Variants in ABITRAM observed in about 807,000 individuals in gnomAD.
ABITRAM encodes the protein protein Abitram.
ABITRAM carries 19 observed loss-of-function variants against 22.9 expected under a neutral mutation model. The ratio of observed to expected loss-of-function variants is 0.83; its 90% CI spans 0.58 to 1.22. ABITRAM has a LOEUF of 1.22. Among genes scored for constraint, ABITRAM ranks in the 50% most tolerant of loss-of-function variants. The probability of loss-of-function intolerance (pLI) is 0.00; values close to 1 mark genes in which losing one functional copy is unlikely to be tolerated. For synonymous variants in ABITRAM, 70 were observed against 73.9 expected, an observed-to-expected ratio of 0.95 and a Z score of 0.27; for missense variants, 215 against 220.2, an observed-to-expected ratio of 0.98 and a Z score of 0.15.
At chr9:108,944,264 A>G (rs1000204190), downstream of ABITRAM, among the ~76,000 whole-genome samples, 2 of 152,200 alleles carry the variant, frequency 1.3e-5, no homozygotes, top group East Asian at 1.9e-4. Flanking sequence ...CAGACCTCCA[A>G]TTATTCTGGA....
At chr9:108,945,628 G>GTTT (rs11287261), downstream of ABITRAM, among the ~76,000 whole-genome samples, 1 of 140,404 alleles carries the variant, frequency 7.1e-6, no homozygotes, top group African/African-American at 2.7e-5. Context: ...TGCCCCGCTA[G>GTTT]TTTTTTTTTT....
downstream of ABITRAM, chr9:108,943,708 G>C (rs774716122): frequency 4.4e-6 from 7 of 1,608,814 alleles, no homozygotes; most frequent in Admixed American, 8.5e-5. Flanking sequence ...TTTACCTTTA[G>C]AAATACTTTA....
In ABITRAM at chr9:108,946,947, A is replaced by G. The variant is rs554431946; in HGVS notation, c.262-3560A>G. Among the ~76,000 whole-genome samples, 5 of 152,134 alleles carry G rather than the reference A, an allele frequency of 3.3e-5. No homozygotes were observed. In the South Asian group the frequency reaches 8.3e-4, roughly 25 times the overall value. On this transcript the variant is annotated intron_variant, in intron 3 of 3. Transcript: ENST00000374624. Reference sequence around the variant, plus strand: ...AAAAAATAAATTCAGAATTTCAACTATCTTAAGGGAAATAGCTCATTTATA... The same window carrying G: ...AAAAAATAAATTCAGAATTTCAACTGTCTTAAGGGAAATAGCTCATTTATA...
At chr9:108,947,207 G>C (rs184213297) in intron 3 of ABITRAM, among the ~76,000 whole-genome samples, 1 of 149,430 alleles carries the variant, frequency 6.7e-6, no homozygotes, top group South Asian at 2.1e-4. Flanking sequence ...TCCGCCTCCC[G>C]GGTTCACGCC....
chr9:108,936,871 G>C (rs1216534211), intron 3 of ABITRAM, among the ~76,000 whole-genome samples: 1 of 150,706 alleles, frequency 6.6e-6, no homozygotes, highest in East Asian at 2.0e-4. Flanking sequence ...AAAAAAAAAA[G>C]AAAAACATGG....
downstream of ABITRAM, chr9:108,943,890 AT>A (rs1338873590): frequency 6.3e-7 from 1 of 1,597,588 alleles, no homozygotes; most frequent in African/African-American, 1.3e-5. Flanking sequence ...ACATTTATAC[AT>A]TGATATTATA....
intron 3 of ABITRAM, among the ~76,000 whole-genome samples, chr9:108,937,496 G>C (rs1830204430): frequency 6.6e-6 from 1 of 152,180 alleles, no homozygotes; most frequent in Non-Finnish European, 1.5e-5. Flanking sequence ...TATTCTAGGA[G>C]ACCCTTATTC....
At chr9:108,945,557 G>GCTCAAGCGATCCTCCTGC (rs1830376198), downstream of ABITRAM, among the ~76,000 whole-genome samples, 1 of 150,862 alleles carries the variant, frequency 6.6e-6, no homozygotes, top group Non-Finnish European at 1.5e-5. Flanking sequence ...GACCTCCCAG[G>GCTCAAGCGATCCTCCTGC]CTCAAGCGAT....
intron 1 of ABITRAM, among the ~76,000 whole-genome samples, chr9:108,935,288 A>G (rs535261584): frequency 6.6e-6 from 1 of 152,348 alleles, no homozygotes; most frequent in African/African-American, 2.4e-5. Flanking sequence ...ACATCAGGAC[A>G]GTCCTGGAAA....
chr9:108,943,993 A>T, downstream of ABITRAM: 1 of 1,613,914 alleles, frequency 6.2e-7, no homozygotes, highest in South Asian at 1.1e-5. Context: ...ACTGGAAGTA[A>T]GCTTTAAACC....
chr9:108,939,897 A>G lies in ABITRAM; in HGVS notation c.*211A>G. On this transcript the variant is annotated 3_prime_UTR_variant, in exon 6 of 6. Transcript: ENST00000322940. ...ACAGCCTGCCAGATCTGGCCTGCCCATGTACTCACACTGTTCTCTTGCATC... is the reference window on the plus strand; with the variant it reads ...ACAGCCTGCCAGATCTGGCCTGCCCGTGTACTCACACTGTTCTCTTGCATC... 1.9e-6 allele frequency: 1 copy of G among 520,058 alleles called. No homozygotes were observed. 32.2% of individuals were successfully genotyped at this position (520,058 alleles called of 1,614,324 possible).
intron 3 of ABITRAM, among the ~76,000 whole-genome samples, chr9:108,937,928 T>A: frequency 6.9e-6 from 1 of 144,742 alleles, no homozygotes. Flanking sequence ...AGCACAGGAG[T>A]CAAGGCTGCA....
chr9:108,944,417 T>C (rs969357333), downstream of ABITRAM, among the ~76,000 whole-genome samples: 11 of 117,076 alleles, frequency 9.4e-5, no homozygotes, highest in Admixed American at 8.8e-4. Flanking sequence ...ACCTTCCCAA[T>C]TCCATCTAGG....
At chr9:108,944,483 A>G (rs577424186), downstream of ABITRAM, among the ~76,000 whole-genome samples, 2 of 152,328 alleles carry the variant, frequency 1.3e-5, no homozygotes, top group South Asian at 2.1e-4. Context: ...GAGAGAACCA[A>G]TCCAGGTGGT....
At chr9:108,945,527 T>G (rs1830375418), downstream of ABITRAM, among the ~76,000 whole-genome samples, 1 of 151,228 alleles carries the variant, frequency 6.6e-6, no homozygotes, top group Admixed American at 6.6e-5. Flanking sequence ...AGTGGTGTGA[T>G]CACAGCTCAC....
At chr9:108,938,231 C>G (rs1830211837) in intron 3 of ABITRAM, among the ~76,000 whole-genome samples, 1 of 152,164 alleles carries the variant, frequency 6.6e-6, no homozygotes, top group Admixed American at 6.5e-5. Flanking sequence ...CAGAAAGTCA[C>G]AATGACTCTA....
At chr9:108,942,614 T>C, downstream of ABITRAM, 1 of 600,542 alleles carries the variant, frequency 1.7e-6, no homozygotes, top group East Asian at 2.8e-5. Flanking sequence ...GTCAAAAAGC[T>C]TTACAATCAG....
chr9:108,941,880 A>G (rs1457268473), downstream of ABITRAM, among the ~76,000 whole-genome samples: 1 of 152,154 alleles, frequency 6.6e-6, no homozygotes, highest in East Asian at 1.9e-4. Flanking sequence ...AAAACAAGAA[A>G]AGCTTTAAAC....
At chr9:108,939,527 C>T (rs779088410) in intron 5 of ABITRAM, 22 bp from the exon 6 acceptor site, 138 of 1,612,218 alleles carry the variant, frequency 8.6e-5, no homozygotes, top group Non-Finnish European at 1.1e-4. Context: ...TTTGACAGTA[C>T]TAAATGTTCT....
Sources: gnomAD v4.1 joint callset for allele counts (sites outside exome capture counted in the v4.1 genomes callset) on GRCh38, gnomAD v4.1.1 for gene constraint, MANE v1.5 for transcripts, NCBI Gene and HGNC (gene_info 2026-07-23, HGNC 2026-07-21) for gene names.